The following DMC1 variants were observed in gnomAD, a reference collection of about 807,000 sequenced individuals.
The protein encoded by DMC1 is meiotic recombination protein DMC1 homolog.
A neutral mutation model predicts 50.1 loss-of-function variants in DMC1; 27 were observed. That is an observed-to-expected ratio of 0.54 (90% CI 0.40 to 0.74). The LOEUF is 0.74. Ranked by LOEUF, DMC1 falls within the 30% of genes least tolerant of loss-of-function variation. DMC1 has a pLI of 0.00. For synonymous variants in DMC1, 148 were observed against 136.1 expected (o/e 1.09, Z -0.61); for missense variants, 295 against 420.2 (o/e 0.70, Z 2.60).
intron 5 of DMC1, among the ~76,000 whole-genome samples, chr22:38,557,953 G>GTTTTTTTTTTTTT (rs1555940699): frequency 5.3e-5 from 5 of 94,970 alleles, no homozygotes; most frequent in African/African-American, 1.3e-4. Context: ...ATTAGACAAA[G>GTTTTTTTTTTTTT]TTCTTTTTTT....
At position 38,548,247 on chromosome 22, in the gene DMC1, A is replaced by G. The variant is rs530605031; in HGVS notation, c.494+1678T>C. Among the ~76,000 whole-genome samples the G allele has an allele frequency of 2.6e-5, 4 of 152,236 alleles. No homozygotes were observed. The East Asian group carries it at 7.7e-4, about 29-fold the overall frequency. Reference sequence around the variant, plus strand: ...GCTGAATTCAATATTTCCCAGTGCCATCTGGATATCCTCATGTACATCATA... The same window carrying G: ...GCTGAATTCAATATTTCCCAGTGCCGTCTGGATATCCTCATGTACATCATA... On this transcript the variant is annotated intron_variant, in intron 8 of 13. Transcript: ENST00000216024.
the DMC1 span, among the ~76,000 whole-genome samples, chr22:38,510,618 G>A: frequency 1.3e-5 from 2 of 152,190 alleles, no homozygotes; most frequent in South Asian, 2.1e-4. Flanking sequence ...ATGTAGCTGC[G>A]TGAGTGAGCT....
chr22:38,545,099 C>T (rs2090329448), intron 8 of DMC1, among the ~76,000 whole-genome samples: 1 of 151,972 alleles, frequency 6.6e-6, no homozygotes, highest in Non-Finnish European at 1.5e-5. Flanking sequence ...GTTAATATGG[C>T]TTTTATACAA....
Position 38,519,801 on chromosome 22 carries a change from C to G in DMC1, c.*219G>C, listed in dbSNP as rs2090003832. 1 of 500,578 alleles carries G rather than the reference C, an allele frequency of 2.0e-6. No homozygotes were observed. Among genetic ancestry groups the G allele is most frequent in the African/African-American group, 2.0e-5 (1 of 51,106 alleles). The allele number at this position is 500,578 out of a possible 1,614,324, so 31.0% of individuals were successfully genotyped here. A position where few individuals can be genotyped will look rare whatever the true frequency, so the allele number is the denominator to read the frequency against. Reference sequence around the variant, plus strand: ...GTATACACACACAAACACACACACACACAAACATACATATACATATCCCTG... The same window carrying G: ...GTATACACACACAAACACACACACAGACAAACATACATATACATATCCCTG... On this transcript the variant is annotated 3_prime_UTR_variant, in exon 14 of 14. Transcript: ENST00000216024.
intron 5 of DMC1, among the ~76,000 whole-genome samples, chr22:38,559,303 T>A (rs1714483299): frequency 6.6e-6 from 1 of 152,154 alleles, no homozygotes; most frequent in South Asian, 2.1e-4. Context: ...AACGCTGGGA[T>A]TAAAGGTGTG....
intron 8 of DMC1, among the ~76,000 whole-genome samples, chr22:38,548,399 C>A (rs2090366980): frequency 1.3e-5 from 2 of 152,066 alleles, no homozygotes. Flanking sequence ...CGTGGTGAAA[C>A]CTGGTCTCTA....
intron 4 of DMC1, among the ~76,000 whole-genome samples, chr22:38,563,773 C>T (rs929328534): frequency 5.9e-5 from 9 of 151,720 alleles, no homozygotes; most frequent in Admixed American, 5.3e-4. Context: ...GATCTCAGCT[C>T]ACTGCAAGCT....
chr22:38,542,640 T>C (rs556420546), intron 8 of DMC1, among the ~76,000 whole-genome samples: 1 of 152,304 alleles, frequency 6.6e-6, no homozygotes, highest in South Asian at 2.1e-4. Context: ...CACAGCAATC[T>C]ACAGAATCAA....
rs1602784126 is a variant in DMC1 at position 38,568,440 on chromosome 22, G to T, written c.-33-151C>A. 25 of 646,920 alleles carry T rather than the reference G, an allele frequency of 3.9e-5. No homozygotes were observed. The East Asian group carries it at 6.6e-4, about 17-fold the overall frequency. 40.1% of individuals were successfully genotyped at this position (646,920 alleles called of 1,614,324 possible). On this transcript the variant is annotated intron_variant, in intron 1 of 13. Coordinates refer to ENST00000216024, the MANE Select transcript of DMC1 (RefSeq NM_007068.4). ...CCTATCTTCTTTCTGCGAGACATGT[G>T]ACATTATTTCTTGTGTGTGTGTGTG...
intron 11 of DMC1, among the ~76,000 whole-genome samples, 156 bp from the exon 12 acceptor site, chr22:38,537,808 GTTATTA>G (rs540959336): frequency 2.0e-5 from 3 of 152,084 alleles, no homozygotes; most frequent in African/African-American, 4.8e-5. Flanking sequence ...GAAATTATTT[GTTATTA>G]TTATTATTAA....
chr22:38,552,967 C>T (rs2090428981), intron 6 of DMC1, among the ~76,000 whole-genome samples: 1 of 151,544 alleles, frequency 6.6e-6, no homozygotes, highest in Admixed American at 6.6e-5. Flanking sequence ...CCTGACTCAG[C>T]CTCCTGAGTA....
chr22:38,552,542 C>T, intron 7 of DMC1, 124 bp downstream of exon 7: 1 of 775,288 alleles, frequency 1.3e-6, no homozygotes, highest in Admixed American at 2.2e-5. Context: ...ACTTAATCTG[C>T]CTGTGTTTTA....
At chr22:38,562,800 C>T (rs1434292108) in intron 4 of DMC1, among the ~76,000 whole-genome samples, 1 of 149,818 alleles carries the variant, frequency 6.7e-6, no homozygotes, top group African/African-American at 2.5e-5. Context: ...CATATATACA[C>T]ATATACATAT....
At chr22:38,546,566 GCT>G (rs1230709149) in intron 8 of DMC1, among the ~76,000 whole-genome samples, 1 of 152,130 alleles carries the variant, frequency 6.6e-6, no homozygotes, top group Non-Finnish European at 1.5e-5. Flanking sequence ...AAGTTAAAAG[GCT>G]CTTTCAGAGA....
chr22:38,544,340 G>T (rs1041980495), intron 8 of DMC1, among the ~76,000 whole-genome samples: 9 of 152,094 alleles, frequency 5.9e-5, no homozygotes, highest in African/African-American at 2.2e-4. Context: ...ATATCTGATT[G>T]CCTCCTTTGG....
chr22:38,547,223 T>A (rs747270618), intron 8 of DMC1, among the ~76,000 whole-genome samples: 1 of 152,164 alleles, frequency 6.6e-6, no homozygotes, highest in Non-Finnish European at 1.5e-5. Context: ...GTAGAGACAC[T>A]ATGTTGCCCA....
At chr22:38,521,759 T>TATATAGTCCATATG in intron 12 of DMC1, 35 bp from the exon 13 acceptor site, 1 of 1,408,340 alleles carries the variant, frequency 7.1e-7, no homozygotes, top group Non-Finnish European at 1.0e-6. Context: ...GGTTTCATCA[T>TATATAGTCCATATG]ATGGACTATA....
intron 8 of DMC1, among the ~76,000 whole-genome samples, chr22:38,548,217 C>A (rs760456491): frequency 3.9e-5 from 6 of 152,188 alleles, no homozygotes; most frequent in Non-Finnish European, 7.3e-5. Flanking sequence ...CTACCCCTTT[C>A]TCAAGCTGAA....
intron 8 of DMC1, among the ~76,000 whole-genome samples, chr22:38,539,901 ACT>A (rs1380040755): frequency 1.3e-5 from 2 of 152,106 alleles, no homozygotes; most frequent in African/African-American, 4.8e-5. Flanking sequence ...GAATTAATTC[ACT>A]CTCTTCATAC....
Sources: allele counts gnomAD v4.1 joint callset (sites outside exome capture counted in the v4.1 genomes callset), GRCh38; gene constraint gnomAD v4.1.1; transcripts MANE v1.5; gene names NCBI Gene and HGNC (gene_info 2026-07-23, HGNC 2026-07-21).